Variants in ABCD4 observed in about 807,000 individuals in gnomAD.
ABCD4 encodes ATP binding cassette subfamily D member 4.
ABCD4 carries 53 observed loss-of-function variants against 86.3 expected under a neutral mutation model. The observed-to-expected ratio is 0.61, with a 90% CI of 0.49 to 0.77. ABCD4 has a LOEUF of 0.77. Ranked by LOEUF, ABCD4 falls within the 30% of genes least tolerant of loss-of-function variation. The pLI, the probability that ABCD4 is intolerant of heterozygous loss-of-function variation, is 0.00. For missense variants in ABCD4, 757 were observed against 764.5 expected (o/e 0.99, Z 0.12); for synonymous variants, 328 against 313.6 (o/e 1.05, Z -0.49).
intron 8 of ABCD4, 70 bp downstream of exon 8, chr14:74,293,084 G>A: frequency 6.6e-7 from 1 of 1,519,064 alleles, no homozygotes; most frequent in Non-Finnish European, 9.1e-7. Context: ...ACAGGAGGTA[G>A]AGAGGTGTGG....
rs571418504 is a variant in ABCD4, at chr14:74,289,634, C to T, written c.1420-115G>A. 8.6e-6 allele frequency: 13 copies of T among 1,512,602 alleles called. No homozygotes were observed. In the East Asian group the frequency reaches 1.7e-4, roughly 20 times the overall value. 93.7% of individuals were successfully genotyped at this position (1,512,602 alleles called of 1,614,324 possible). On this transcript the variant is annotated intron_variant, in intron 13 of 18. Coordinates refer to ENST00000356924, the MANE Select transcript of ABCD4 (RefSeq NM_005050.4). ...ACCTCCCAAGGAGGAGAGGTGGGAA[C>T]GCCTGGCCTGGGTCAGATGGGAGAG... is the stretch of plus-strand genomic sequence containing the variant.
intron 3 of ABCD4, 56 bp downstream of exon 3, chr14:74,299,492 T>A (rs1466044778): frequency 6.2e-7 from 1 of 1,600,838 alleles, no homozygotes; most frequent in African/African-American, 1.3e-5. Flanking sequence ...CACTAGGCAT[T>A]ACGGTCACAC....
rs931480032 is a variant in ABCD4 at position 74,298,194 on chromosome 14, C to T, written c.286-125G>A. On this transcript the variant is annotated intron_variant, in intron 3 of 18. Transcript: ENST00000356924. ...CCACTCTGACTCTGATTACTCCGTC[C>T]ACTCAGCACTTTTCTTTTTTAAATC... 6.8e-6 allele frequency: 10 copies of T among 1,464,344 alleles called. No homozygotes were observed. In the African/African-American group the frequency reaches 7.2e-5, roughly 11 times the overall value. The allele number at this position is 1,464,344 out of a possible 1,614,324, so 90.7% of individuals were successfully genotyped here. A position where few individuals can be genotyped will look rare whatever the true frequency, so the allele number is the denominator to read the frequency against.
In ABCD4 at chr14:74,286,379, G is replaced by C. The variant is rs776547619; in HGVS notation, c.*82C>G. 1.3e-6 allele frequency: 2 copies of C among 1,488,918 alleles called. No homozygotes were observed. The highest frequency in any genetic ancestry group is 1.9e-6 in the Non-Finnish European group (2 of 1,070,690). 92.2% of individuals were successfully genotyped at this position (1,488,918 alleles called of 1,614,324 possible). A position where few individuals can be genotyped will look rare whatever the true frequency, so the allele number is the denominator to read the frequency against. ...GGATCTATGTGGCGAACCTGAGCTC[G>C]ATCTTCGCTGTCAGTCCTCCTGGTC... On this transcript the variant is annotated 3_prime_UTR_variant, in exon 19 of 19. Transcript: ENST00000356924.
At position 74,285,564 on chromosome 14, in the gene ABCD4, A is replaced by AG. The variant is rs1566898826; in HGVS notation, c.*896_*897insC. 1.3e-4 allele frequency: 20 copies of AG among 152,282 alleles called. No individual in the cohort carries two copies. The highest frequency in any genetic ancestry group is 4.6e-4 in the African/African-American group (19 of 41,538). The allele number at this position is 152,282 out of a possible 1,614,324, so 9.4% of individuals were successfully genotyped here. ...ACTAGAAGTACAGAAGCCTGGCAAA[A>AG]ATTATGAAGGTAAGGAAGGTAATAC... On this transcript the variant is annotated 3_prime_UTR_variant, in exon 19 of 19. Transcript: ENST00000356924.
At position 74,288,278 on chromosome 14, in the gene ABCD4, G is replaced by A. The variant is rs1238248834; in HGVS notation, c.1507-19C>T. The A allele has an allele frequency of 6.2e-7, 1 of 1,602,342 alleles. No homozygotes were observed. The highest frequency in any genetic ancestry group is 1.3e-5 in the African/African-American group (1 of 74,880). ...AGTTGGACTGTAACAGACCCAGAGG[G>A]CAGGATGTCCATGAAATGGCCAGCC... On this transcript the variant is annotated intron_variant, in intron 15 of 18. Transcript: ENST00000356924.
rs1029593224 is a variant in ABCD4 at position 74,295,022 on chromosome 14, G to A, written c.719+126C>T. 1.5e-5 allele frequency: 18 copies of A among 1,184,720 alleles called. No homozygotes were observed. The East Asian group carries it at 2.4e-4, about 16-fold the overall frequency. The allele number at this position is 1,184,720 out of a possible 1,614,324, so 73.4% of individuals were successfully genotyped here. A position where few individuals can be genotyped will look rare whatever the true frequency, so the allele number is the denominator to read the frequency against. The stretch of plus-strand genomic sequence containing the variant: ...GGGCAGGGGGAGGTAGAGGGAGAGG[G>A]TCACAGCCAAGTGTGACAACACTCA... On this transcript the variant is annotated intron_variant, in intron 7 of 18. Transcript: ENST00000356924.
intron 15 of ABCD4, chr14:74,288,483 A>G (rs190943092): frequency 1.5e-6 from 1 of 651,118 alleles, no homozygotes; most frequent in Admixed American, 2.9e-5. Flanking sequence ...TGACAGTAAA[A>G]AGCAAACCGC....
rs751258193 is a variant in ABCD4, at chr14:74,292,390, G to C, written c.1029-14C>G. The C allele has an allele frequency of 3.1e-6, 5 of 1,613,742 alleles. No individual in the cohort carries two copies. Among genetic ancestry groups the C allele is most frequent in the Non-Finnish European group, 3.4e-6 (4 of 1,179,920 alleles). On this transcript the variant is annotated splice_polypyrimidine_tract_variant and intron_variant, in intron 10 of 18. Transcript: ENST00000356924. ...AGCTGCCCAATTCTGAACAAGAAAA[G>C]AAAATCTGAGGCAGGGTCTGGGAGC... is the stretch of plus-strand genomic sequence containing the variant.
At chr14:74,297,902 G>A (rs2083282428) in intron 4 of ABCD4, 28 bp downstream of exon 4, 4 of 1,605,122 alleles carry the variant, frequency 2.5e-6, no homozygotes, top group Non-Finnish European at 3.4e-6. Flanking sequence ...CACACAGAGT[G>A]TAGAAAGGAC....
rs1487061859 is a variant in ABCD4 at position 74,285,802 on chromosome 14, AAGTT to A, written c.*655_*658del. 5 of 152,210 alleles carry A rather than the reference AAGTT, an allele frequency of 3.3e-5. No homozygotes were observed. 9.4% of individuals were successfully genotyped at this position (152,210 alleles called of 1,614,324 possible). A position where few individuals can be genotyped will look rare whatever the true frequency, so the allele number is the denominator to read the frequency against. On this transcript the variant is annotated 3_prime_UTR_variant, in exon 19 of 19. Coordinates refer to ENST00000356924, the MANE Select transcript of ABCD4 (RefSeq NM_005050.4). ...GGTAGGGCAGACCAAAGGCCCCTGG[AAGTT>A]AGTGGTTCAGGTTCTAACTACACAA...
rs376805915 is a variant in ABCD4, at chr14:74,289,153, C to T, written c.1456+330G>A. 7.8e-5 allele frequency: 86 copies of T among 1,102,044 alleles called. No homozygotes were observed. In the African/African-American group the frequency reaches 1.4e-3, roughly 18 times the overall value. 68.3% of individuals were successfully genotyped at this position (1,102,044 alleles called of 1,614,324 possible). The stretch of plus-strand genomic sequence containing the variant: ...AAAAAAAAAAAGAATAGACAGGGCA[C>T]ATCATGGATGATGCAGGGGTGGGGG... On this transcript the variant is annotated intron_variant, in intron 14 of 18. Transcript: ENST00000356924.
intron 13 of ABCD4, 21 bp from the exon 14 acceptor site, chr14:74,289,540 C>A: frequency 6.2e-7 from 1 of 1,613,160 alleles, no homozygotes. Context: ...AAAAAAACCA[C>A]ACCAACCTAG....
intron 2 of ABCD4, 47 bp from the exon 3 acceptor site, chr14:74,299,722 A>G: frequency 6.3e-7 from 1 of 1,577,006 alleles, no homozygotes; most frequent in African/African-American, 1.3e-5. Context: ...GGGGTTAAAA[A>G]GAAGGGAGGC....
At chr14:74,293,422 T>C (rs1470454040) in intron 7 of ABCD4, 174 bp from the exon 8 acceptor site, 2 of 568,318 alleles carry the variant, frequency 3.5e-6, no homozygotes, top group Non-Finnish European at 3.1e-6. Flanking sequence ...CTTAATGGTA[T>C]TGTCTGTGTG....
chr14:74,295,675 A>C, intron 6 of ABCD4, 179 bp downstream of exon 6: 1 of 746,870 alleles, frequency 1.3e-6, no homozygotes, highest in Non-Finnish European at 2.1e-6. Flanking sequence ...TCAGTAGGCA[A>C]CGGTACCATT....
rs1403511712 is a variant in ABCD4 at position 74,296,392 on chromosome 14, G to A, written c.483C>T (p.Ala161=). ...ERFCRQLSSM[A]SKLIISPFTL... is the part of the protein sequence containing the mutation. ...TGAACGGGGAGATGATGAGCTTGCT[G>A]GCCATGCTGCTGAGCTGCCGGCAGA... The change falls in exon 5 of 19, where the codon GCC becomes GCT. Residue 161 remains alanine, a synonymous_variant. Transcript: ENST00000356924. 6.2e-7 allele frequency: 1 copy of A among 1,614,158 alleles called. No homozygotes were observed. Among genetic ancestry groups the A allele is most frequent in the Non-Finnish European group, 8.5e-7 (1 of 1,180,028 alleles).
chr14:74,302,742 CTCTT>C (rs2140169579), intron 1 of ABCD4, 129 bp downstream of exon 1: 3 of 1,101,974 alleles, frequency 2.7e-6, no homozygotes, highest in Non-Finnish European at 3.7e-6. Flanking sequence ...TCGAGAGCTC[CTCTT>C]TCTCTCAGAA....
In ABCD4 at chr14:74,286,517, C is replaced by T. The variant is rs754288783; in HGVS notation, c.1765G>A (p.Val589Ile). 2.5e-6 allele frequency: 4 copies of T among 1,614,242 alleles called. No homozygotes were observed. In the South Asian group the frequency reaches 4.4e-5, roughly 18 times the overall value. The change falls in exon 19 of 19, where the codon GTT becomes ATT. Residue 589 changes from valine to isoleucine, a missense_variant. Val to Ile is a conservative substitution (Grantham distance 29, BLOSUM62 3). Transcript: ENST00000356924. ...RQSLEKFHSL[V>I]LKLCGGGRWE... ...CTTCCTCCTCCACAGAGTTTCAGAA[C>T]CAAGGAATGAAACTACAAGAGACCA... is the stretch of plus-strand genomic sequence containing the variant.
Sources: gnomAD v4.1 joint callset for allele counts on GRCh38, gnomAD v4.1.1 for gene constraint, MANE v1.5 for transcripts, NCBI Gene and HGNC (gene_info 2026-07-23, HGNC 2026-07-21) for gene names.